The following DLGAP2 variants were observed in gnomAD, a reference collection of about 807,000 sequenced individuals.
DLGAP2 encodes disks large-associated protein 2.
DLGAP2 carries 26 observed loss-of-function variants against 100.3 expected under a neutral mutation model. The ratio of observed to expected loss-of-function variants is 0.26; its 90% CI spans 0.19 to 0.36. DLGAP2 has a LOEUF of 0.36. Ranked by LOEUF, DLGAP2 falls within the 10% of genes least tolerant of loss-of-function variation. The pLI, the probability that DLGAP2 is intolerant of heterozygous loss-of-function variation, is 1.00. For missense variants in DLGAP2, 1,858 were observed against 1,453.2 expected (o/e 1.28, Z -4.53); for synonymous variants, 886 against 630.1 (o/e 1.41, Z -6.08).
intron 2 of DLGAP2, among the ~76,000 whole-genome samples, chr8:1,082,843 G>A (rs564177420): frequency 4.6e-5 from 7 of 152,288 alleles, no homozygotes; most frequent in Admixed American, 1.3e-4. Context: ...GGCTATTTCC[G>A]AAACCATTTA....
chr8:1,575,090 A>G (rs1401807292), intron 6 of DLGAP2, among the ~76,000 whole-genome samples: 1 of 152,216 alleles, frequency 6.6e-6, no homozygotes, highest in Non-Finnish European at 1.5e-5. Flanking sequence ...GAACAATACA[A>G]AAAATCATCA....
At chr8:1,625,592 C>T (rs1023214277) in intron 6 of DLGAP2, among the ~76,000 whole-genome samples, 2 of 152,126 alleles carry the variant, frequency 1.3e-5, no homozygotes, top group African/African-American at 4.8e-5. Flanking sequence ...GAAAGTGAGC[C>T]TTGTATTTTT....
intron 8 of DLGAP2, among the ~76,000 whole-genome samples, chr8:1,658,017 A>G (rs759575430): frequency 3.3e-5 from 5 of 152,168 alleles, no homozygotes; most frequent in Admixed American, 1.3e-4. Context: ...AGCAGAATGC[A>G]ATCGGTTCTG....
At chr8:887,089 T>C (rs927083514) in intron 1 of DLGAP2, among the ~76,000 whole-genome samples, 1 of 152,230 alleles carries the variant, frequency 6.6e-6, no homozygotes, top group Non-Finnish European at 1.5e-5. Context: ...TAGTTAACTC[T>C]TCTTGTCGAA....
intron 1 of DLGAP2, among the ~76,000 whole-genome samples, chr8:883,012 C>G (rs569632660): frequency 6.6e-6 from 1 of 152,252 alleles, no homozygotes; most frequent in Non-Finnish European, 1.5e-5. Context: ...GTGCTCCACA[C>G]GGGCTCTGGT....
chr8:1,517,345 C>T (rs948611077), intron 4 of DLGAP2, among the ~76,000 whole-genome samples: 17 of 151,960 alleles, frequency 1.1e-4, no homozygotes, highest in African/African-American at 3.6e-4. Context: ...GGATGTGGAG[C>T]CCAGGAGGAG....
At chr8:896,398 G>T (rs968094185) in intron 1 of DLGAP2, among the ~76,000 whole-genome samples, 1 of 142,510 alleles carries the variant, frequency 7.0e-6, no homozygotes, top group Non-Finnish European at 1.5e-5. Flanking sequence ...GAGCTGCCGG[G>T]ATGGTGTGAC....
At chr8:1,416,219 C>T (rs1014191274) in intron 3 of DLGAP2, among the ~76,000 whole-genome samples, 4 of 152,148 alleles carry the variant, frequency 2.6e-5, no homozygotes, top group Non-Finnish European at 5.9e-5. Context: ...TACAGAGTGG[C>T]GACCAGATGA....
chr8:791,349 C>G (rs1198838918), intron 1 of DLGAP2, among the ~76,000 whole-genome samples: 1 of 152,166 alleles, frequency 6.6e-6, no homozygotes, highest in Non-Finnish European at 1.5e-5. Flanking sequence ...TTCTCATCTT[C>G]CCTCCTCCAT....
At chr8:840,722 A>C (rs1318450585) in intron 1 of DLGAP2, among the ~76,000 whole-genome samples, 9 of 78,946 alleles carry the variant, frequency 1.1e-4, no homozygotes, top group East Asian at 4.4e-4. Context: ...CTGTGAGTGC[A>C]TTTACACGGT....
At chr8:1,633,777 C>G (rs550562553) in intron 8 of DLGAP2, among the ~76,000 whole-genome samples, 1 of 152,112 alleles carries the variant, frequency 6.6e-6, no homozygotes, top group African/African-American at 2.4e-5. Flanking sequence ...GTGTTGGGGA[C>G]TGAGGTGTTC....
At chr8:1,536,807 A>C (rs79870818) in intron 4 of DLGAP2, among the ~76,000 whole-genome samples, 1 of 152,086 alleles carries the variant, frequency 6.6e-6, no homozygotes, top group African/African-American at 2.4e-5. Context: ...TTTCCATTCA[A>C]ATATTTCACT....
intron 1 of DLGAP2, among the ~76,000 whole-genome samples, chr8:789,843 G>A (rs542814457): frequency 2.6e-5 from 4 of 152,286 alleles, no homozygotes; most frequent in South Asian, 4.1e-4. Flanking sequence ...GTGTGGACCT[G>A]GACAAGTGGT....
intron 2 of DLGAP2, among the ~76,000 whole-genome samples, chr8:947,257 G>A (rs533798952): frequency 9.2e-5 from 14 of 152,294 alleles, no homozygotes; most frequent in South Asian, 8.3e-4. Context: ...GGAATCTCCC[G>A]GGGTCCACTC....
intron 3 of DLGAP2, among the ~76,000 whole-genome samples, chr8:1,327,124 T>G (rs1801040009): frequency 6.6e-6 from 1 of 152,234 alleles, no homozygotes; most frequent in Admixed American, 6.5e-5. Context: ...GAGCCTGCCT[T>G]CCATCCTCCT....
chr8:1,605,796 T>A (rs1221819625), intron 6 of DLGAP2, among the ~76,000 whole-genome samples: 2 of 152,216 alleles, frequency 1.3e-5, no homozygotes, highest in African/African-American at 4.8e-5. Context: ...CATTTCCGTG[T>A]TTGTCTGAAT....
chr8:1,665,103 G>GTA (rs1171397283), intron 8 of DLGAP2, among the ~76,000 whole-genome samples: 1 of 152,110 alleles, frequency 6.6e-6, no homozygotes, highest in Non-Finnish European at 1.5e-5. Context: ...AGAAGATGTG[G>GTA]TATGTGACTT....
intron 3 of DLGAP2, chr8:1,301,047 G>C (rs1472078006): frequency 6.6e-6 from 1 of 152,512 alleles, no homozygotes; most frequent in African/African-American, 2.4e-5. Flanking sequence ...GCTCCTGGCT[G>C]TGCGGCCTCT....
intron 8 of DLGAP2, among the ~76,000 whole-genome samples, chr8:1,653,605 C>T (rs536730856): frequency 1.3e-5 from 2 of 152,276 alleles, no homozygotes; most frequent in South Asian, 2.1e-4. Context: ...CTCTCAGATC[C>T]GTGGGCAGAG....
Sources: allele counts gnomAD v4.1 joint callset (sites outside exome capture counted in the v4.1 genomes callset), GRCh38; gene constraint gnomAD v4.1.1; transcripts MANE v1.5; gene names NCBI Gene and HGNC (gene_info 2026-07-23, HGNC 2026-07-21).